The following PRKN variants were observed in gnomAD, a reference collection of about 807,000 sequenced individuals.
PRKN encodes E3 ubiquitin-protein ligase parkin.
A neutral mutation model predicts 59.5 loss-of-function variants in PRKN; 56 were observed. The ratio of observed to expected loss-of-function variants is 0.94; its 90% confidence interval spans 0.76 to 1.18. PRKN has a LOEUF of 1.18. Ranked by LOEUF, PRKN falls within the 50% of genes most tolerant of loss-of-function variation. PRKN has a pLI of 0.00. For missense variants in PRKN, 657 were observed against 596.4 expected, an observed-to-expected ratio of 1.10 and a Z score of -1.06; for synonymous variants, 250 against 222.1, an observed-to-expected ratio of 1.13 and a Z score of -1.12.
chr6:162,066,165 G>T (rs1778328324), intron 4 of PRKN, among the ~76,000 whole-genome samples: 2 of 152,086 alleles, frequency 1.3e-5, no homozygotes. Context: ...CACAATGGTT[G>T]AACTAATTTA....
chr6:161,401,356 A>G lies in PRKN; in HGVS notation c.1084-14479T>C, dbSNP rs1454703151. Among the ~76,000 whole-genome samples the G allele has an allele frequency of 6.6e-6, 1 of 152,134 alleles. No individual in the cohort carries two copies. Among genetic ancestry groups the G allele is most frequent in the Non-Finnish European group, 1.5e-5 (1 of 68,022 alleles). On this transcript the variant is annotated intron_variant, in intron 9 of 11. Transcript: ENST00000366898. The surrounding 1 kb of genome is among the most constrained non-coding windows in gnomAD (Gnocchi z 4.4). ...CCGGGCATGGTGGCTCACATCTGTAATCCCAGCACTTTGGGAAGCCAAGGT... is the reference window on the plus strand; with the variant it reads ...CCGGGCATGGTGGCTCACATCTGTAGTCCCAGCACTTTGGGAAGCCAAGGT...
Position 162,727,659 on chromosome 6 carries a change from T to C in PRKN, c.7+3A>G, listed in dbSNP as rs778787823. 5 of 1,585,296 alleles carry C rather than the reference T, an allele frequency of 3.2e-6. No homozygotes were observed. The highest frequency in any genetic ancestry group is 2.7e-5 in the African/African-American group (2 of 74,144). On this transcript the variant is annotated splice_donor_region_variant and intron_variant, in intron 1 of 11. Coordinates refer to ENST00000366898, the MANE Select transcript of PRKN (RefSeq NM_004562.3). The stretch of plus-strand genomic sequence containing the variant: ...AGGCTGTACCTGGCAGGTACCCACG[T>C]ACCTATCATGGTCACTGGGTAGGTG...
rs1488466551 is a variant in PRKN at position 162,472,580 on chromosome 6, C to T, written c.8-29107G>A. On this transcript the variant is annotated intron_variant, in intron 1 of 11. Transcript: ENST00000366898. ...TCGGCTCACTGCAAGCTCCGCTTCCCGGGTTCACGCCATTCTCCTGCCTCA... is the reference window on the plus strand; with the variant it reads ...TCGGCTCACTGCAAGCTCCGCTTCCTGGGTTCACGCCATTCTCCTGCCTCA... Among the ~76,000 whole-genome samples, 2 of 129,610 alleles carry T rather than the reference C, an allele frequency of 1.5e-5. 1 individual carries two copies. Among genetic ancestry groups the T allele is most frequent in the African/African-American group, 5.5e-5 (2 of 36,254 alleles). The allele number at this position is 129,610 out of a possible 152,430, so 85.0% of individuals were successfully genotyped here.
intron 6 of PRKN, among the ~76,000 whole-genome samples, chr6:161,873,725 T>C (rs1372775720): frequency 1.3e-5 from 2 of 151,660 alleles, no homozygotes; most frequent in Non-Finnish European, 2.9e-5. Context: ...AAAAAATTCC[T>C]GTTTCCCTTG....
chr6:161,702,815 T>C (rs1786309639), intron 7 of PRKN, among the ~76,000 whole-genome samples: 1 of 152,156 alleles, frequency 6.6e-6, no homozygotes, highest in Non-Finnish European at 1.5e-5. Context: ...GACCTGGAGT[T>C]AGGCAAATAA....
intron 2 of PRKN, among the ~76,000 whole-genome samples, chr6:162,317,888 G>C (rs1782817802): frequency 6.6e-6 from 1 of 151,790 alleles, no homozygotes; most frequent in South Asian, 2.1e-4. Context: ...TACAGGTATT[G>C]GTTCTGAAGT....
Position 161,582,971 on chromosome 6 carries a change from A to AACACAC in PRKN, c.872-13561_872-13556dup, listed in dbSNP as rs768568929. Among the ~76,000 whole-genome samples, 962 of 117,202 alleles carry AACACAC rather than the reference A, an allele frequency of 8.2e-3. 7 individuals carry two copies. Among genetic ancestry groups the AACACAC allele is most frequent in the African/African-American group, 0.01 (360 of 34,528 alleles). The allele number at this position is 117,202 out of a possible 152,430, so 76.9% of individuals were successfully genotyped here. ...TCTTTCCAGTGAGATGGCCTATTCC[A>AACACAC]ACACACACACACACACACACACACA... On this transcript the variant is annotated intron_variant, in intron 7 of 11. Transcript: ENST00000366898. The surrounding 1 kb of genome is among the most constrained non-coding windows in gnomAD (Gnocchi z 4.4).
chr6:161,605,947 C>A (rs977815789), intron 7 of PRKN, among the ~76,000 whole-genome samples: 4 of 152,144 alleles, frequency 2.6e-5, no homozygotes, highest in Admixed American at 6.5e-5. Flanking sequence ...TGTGTGCAAA[C>A]ACCCTGAGCC....
At chr6:162,525,944 C>A (rs1778262340) in intron 1 of PRKN, among the ~76,000 whole-genome samples, 1 of 152,118 alleles carries the variant, frequency 6.6e-6, no homozygotes, top group Non-Finnish European at 1.5e-5. Flanking sequence ...GCCCCGACCT[C>A]CCAGGCTCAG....
chr6:162,474,966 G>T (rs1027047119), intron 1 of PRKN, among the ~76,000 whole-genome samples: 1 of 152,086 alleles, frequency 6.6e-6, no homozygotes, highest in Non-Finnish European at 1.5e-5. Flanking sequence ...AATTCAAAAT[G>T]AAATCGATTT....
chr6:161,869,872 C>T (rs1490573405), intron 6 of PRKN, among the ~76,000 whole-genome samples: 2 of 152,078 alleles, frequency 1.3e-5, no homozygotes, highest in East Asian at 3.9e-4. Context: ...AGTTTATGTA[C>T]CAGGACAAAC....
intron 1 of PRKN, among the ~76,000 whole-genome samples, chr6:162,671,178 A>C (rs778534368): frequency 1.3e-5 from 2 of 152,158 alleles, no homozygotes; most frequent in African/African-American, 4.8e-5. Flanking sequence ...TATACTGCTT[A>C]TTGATGAAAA....
intron 7 of PRKN, among the ~76,000 whole-genome samples, chr6:161,778,259 C>T (rs970957327): frequency 7.2e-5 from 11 of 152,076 alleles, no homozygotes; most frequent in Non-Finnish European, 1.5e-5. Flanking sequence ...AGAAATACAA[C>T]CACCAAACAA....
chr6:161,740,909 C>T (rs74703779), intron 7 of PRKN, among the ~76,000 whole-genome samples: 3,940 of 152,274 alleles, frequency 0.026, 182 homozygotes, highest in African/African-American at 0.091. Flanking sequence ...GTGGGCTTTC[C>T]CTATGCACAA....
intron 7 of PRKN, among the ~76,000 whole-genome samples, chr6:161,645,009 A>T (rs1302540418): frequency 6.6e-6 from 1 of 152,188 alleles, no homozygotes; most frequent in Admixed American, 6.5e-5. Flanking sequence ...TAGCCAACCC[A>T]GGAGTGAGTA....
At chr6:162,166,023 G>A (rs1417141314) in intron 4 of PRKN, among the ~76,000 whole-genome samples, 1 of 134,070 alleles carries the variant, frequency 7.5e-6, no homozygotes, top group Non-Finnish European at 1.5e-5. Context: ...ACTCCAGCCT[G>A]GGCAACAGAG....
At chr6:161,764,081 C>T (rs1033966574) in intron 7 of PRKN, among the ~76,000 whole-genome samples, 1 of 152,214 alleles carries the variant, frequency 6.6e-6, no homozygotes, top group African/African-American at 2.4e-5. Context: ...CTCTTTCACT[C>T]TCCTCCAGCC....
chr6:162,443,746 AGACTTGAGCAGGACACTT>A (rs1011749667), intron 1 of PRKN, among the ~76,000 whole-genome samples: 2 of 152,176 alleles, frequency 1.3e-5, no homozygotes, highest in African/African-American at 4.8e-5. Context: ...GGAAACAGAG[AGACTTGAGCAGGACACTT>A]GCTTGATTGG....
At chr6:162,010,962 T>A (rs1782600740) in intron 5 of PRKN, among the ~76,000 whole-genome samples, 1 of 22,308 alleles carries the variant, frequency 4.5e-5, no homozygotes. Context: ...ATAATTAATA[T>A]AAATAATATA....
Sources: allele counts gnomAD v4.1 joint callset (sites outside exome capture counted in the v4.1 genomes callset), GRCh38; gene constraint gnomAD v4.1.1; non-coding constraint Gnocchi (gnomAD v3.1); transcripts MANE v1.5; gene names NCBI Gene and HGNC (gene_info 2026-07-23, HGNC 2026-07-21).